Variants in ACTN1 observed in about 807,000 individuals in gnomAD.
The protein encoded by ACTN1 is actinin alpha 1, also known as alpha-actinin-1.
A neutral mutation model predicts 119.6 loss-of-function variants in ACTN1; 30 were observed. The ratio of observed to expected loss-of-function variants is 0.25; its 90% confidence interval spans 0.19 to 0.34. ACTN1 has a LOEUF of 0.34. Among genes scored for constraint, ACTN1 ranks in the 10% least tolerant of loss-of-function variants. The probability of loss-of-function intolerance (pLI) is 1.00; values close to 1 mark genes in which losing one functional copy is unlikely to be tolerated. For synonymous variants in ACTN1, 429 were observed against 472.6 expected, an observed-to-expected ratio of 0.91 and a Z score of 1.20; for missense variants, 764 against 1,223.4, an observed-to-expected ratio of 0.62 and a Z score of 5.60.
intron 1 of ACTN1, among the ~76,000 whole-genome samples, chr14:68,953,728 A>G (rs2036250489): frequency 6.6e-6 from 1 of 151,888 alleles, no homozygotes; most frequent in Non-Finnish European, 1.5e-5. Context: ...AATACAAAAA[A>G]AAAAAAAAAT....
At chr14:68,915,017 T>G (rs2034207869) in intron 3 of ACTN1, among the ~76,000 whole-genome samples, 1 of 152,128 alleles carries the variant, frequency 6.6e-6, no homozygotes, top group Admixed American at 6.5e-5. Context: ...TGAAAGGAAA[T>G]GCAGAGTAAG....
intron 6 of ACTN1, among the ~76,000 whole-genome samples, chr14:68,905,296 A>G (rs950233989): frequency 2.0e-5 from 3 of 152,232 alleles, no homozygotes; most frequent in Non-Finnish European, 2.9e-5. Context: ...AAGAACACTT[A>G]GCGGGGCTTG....
chr14:68,902,188 C>T (rs535873923), intron 8 of ACTN1, among the ~76,000 whole-genome samples: 5 of 152,318 alleles, frequency 3.3e-5, no homozygotes, highest in African/African-American at 1.2e-4. Flanking sequence ...ACCACCCCGG[C>T]TGCCTCATGC....
intron 1 of ACTN1, chr14:68,978,422 G>A (rs1205347711): frequency 2.9e-6 from 1 of 350,420 alleles, no homozygotes; most frequent in African/African-American, 2.2e-5. Flanking sequence ...GGAGGCGGCC[G>A]CCGATCTCTC....
intron 1 of ACTN1, among the ~76,000 whole-genome samples, chr14:68,962,005 C>T (rs568309195): frequency 6.6e-6 from 1 of 152,340 alleles, no homozygotes; most frequent in East Asian, 1.9e-4. Flanking sequence ...ACCACAAGCC[C>T]TGGCCCAGTA....
At chr14:68,947,439 TTG>T (rs1368806195) in intron 1 of ACTN1, 1 of 152,170 alleles carries the variant, frequency 6.6e-6, no homozygotes, top group Non-Finnish European at 1.5e-5. Context: ...GCAAGACAGA[TTG>T]TCTTTTTACA....
chr14:68,964,912 C>T (rs1006095559), intron 1 of ACTN1, among the ~76,000 whole-genome samples: 2 of 152,140 alleles, frequency 1.3e-5, no homozygotes, highest in Non-Finnish European at 2.9e-5. Flanking sequence ...TGTAAGGGCC[C>T]GCATGTGGAT....
intron 8 of ACTN1, among the ~76,000 whole-genome samples, chr14:68,899,938 G>T (rs1277027874): frequency 6.6e-6 from 1 of 152,200 alleles, no homozygotes; most frequent in Non-Finnish European, 1.5e-5. Flanking sequence ...GCTGCGAGGG[G>T]CCAGGGGAGG....
chr14:68,891,996 C>T, intron 10 of ACTN1, 57 bp downstream of exon 10: 7 of 1,588,360 alleles, frequency 4.4e-6, no homozygotes, highest in Non-Finnish European at 6.0e-6. Flanking sequence ...CAACTAGGAG[C>T]AGCTCAGAGG....
Position 68,874,630 on chromosome 14 carries a change from A to C in ACTN1, c.*229T>G. 2.6e-6 allele frequency: 1 copy of C among 388,082 alleles called. No homozygotes were observed. The highest frequency in any genetic ancestry group is 4.5e-6 in the Non-Finnish European group (1 of 221,870). 24.0% of individuals were successfully genotyped at this position (388,082 alleles called of 1,614,324 possible). ...CTGGTGGAGAAAAAATACTTTTTCT[A>C]TAATAAAATATGTAGTTTTTTGGTT... On this transcript the variant is annotated 3_prime_UTR_variant, in exon 22 of 22. Coordinates refer to ENST00000394419, the MANE Select transcript of ACTN1 (RefSeq NM_001130004.2).
In ACTN1 at chr14:68,909,437, G is replaced by C. The variant is rs769605676; in HGVS notation, c.516-41C>G. Reference sequence around the variant, plus strand: ...GAAGAAGGAGCAGGCTGGTAAATGAGGCTGAACAAACGGGCAACCAGGGCA... The same window carrying C: ...GAAGAAGGAGCAGGCTGGTAAATGACGCTGAACAAACGGGCAACCAGGGCA... On this transcript the variant is annotated intron_variant, in intron 5 of 21. Coordinates refer to ENST00000394419, the MANE Select transcript of ACTN1 (RefSeq NM_001130004.2). This position sits in a 1 kb window ranked among gnomAD's most constrained non-coding sequence, Gnocchi z 4.1. 1.2e-6 allele frequency: 2 copies of C among 1,607,796 alleles called. No homozygotes were observed. Among genetic ancestry groups the C allele is most frequent in the Non-Finnish European group, 1.7e-6 (2 of 1,175,154 alleles).
At chr14:68,917,883 T>C (rs2034398371) in intron 3 of ACTN1, among the ~76,000 whole-genome samples, 1 of 152,000 alleles carries the variant, frequency 6.6e-6, no homozygotes, top group Non-Finnish European at 1.5e-5. Context: ...CTGGCCAACA[T>C]AGTGAAACCC....
chr14:68,896,403 A>C (rs2032883497), intron 8 of ACTN1, among the ~76,000 whole-genome samples: 1 of 152,124 alleles, frequency 6.6e-6, no homozygotes, highest in African/African-American at 2.4e-5. Flanking sequence ...TCAGCTGGGA[A>C]GGCCAGGCTT....
rs967787608 is a variant in ACTN1, at chr14:68,890,281, G to A, written c.1092C>T (p.Ile364=). ...GCTCCAGGCAGCCCCAGGCATTGTT[G>A]ATGTCCTGTGGGGATGGGAGGTACA... ...MPSEGRMVSD[I]NNAWGCLEQV... Residue 364 remains isoleucine (I), a synonymous_variant, in exon 11 of 22, where the codon ATC becomes ATT. Coordinates refer to ENST00000394419, the MANE Select transcript of ACTN1 (RefSeq NM_001130004.2). The A allele has an allele frequency of 5.0e-6, 8 of 1,614,062 alleles. No individual in the cohort carries two copies. The highest frequency in any genetic ancestry group is 2.7e-5 in the African/African-American group (2 of 74,928).
At chr14:68,923,771 C>T (rs958781618) in intron 2 of ACTN1, among the ~76,000 whole-genome samples, 1 of 152,052 alleles carries the variant, frequency 6.6e-6, no homozygotes, top group East Asian at 1.9e-4. Flanking sequence ...AAAAAAAGAA[C>T]TGAAAGAGGG....
chr14:68,941,415 C>T (rs1465047108), intron 1 of ACTN1, among the ~76,000 whole-genome samples: 1 of 152,124 alleles, frequency 6.6e-6, no homozygotes. Flanking sequence ...CTGATGCTGC[C>T]GGTCCAGAGA....
In ACTN1 at chr14:68,874,864, G is replaced by A; in HGVS notation, c.2740C>T (p.Leu914Phe). 1 of 1,581,400 alleles carries A rather than the reference G, an allele frequency of 6.3e-7. No homozygotes were observed. Among genetic ancestry groups the A allele is most frequent in the Non-Finnish European group, 8.6e-7 (1 of 1,156,586 alleles). Reference protein sequence around the residue: ...FSTALYGESDL With the variant: ...FSTALYGESDF ...GGGCGGCCGGGCGGGGTGGATTAGA[G>A]GTCACTCTCGCCGTACAGCGCCGTG... The change falls in exon 22 of 22, where the codon CTC (leucine) becomes TTC (phenylalanine). Residue 914 changes from leucine (L) to phenylalanine (F), a missense_variant. Physicochemically the swap from Leu to Phe is conservative, Grantham distance 22. This residue lies in a region of ACTN1 where 102 missense variants were observed against 78.2 expected (regional missense o/e 1.30). Transcript: ENST00000394419.
At chr14:68,975,802 T>C (rs1302018915) in intron 1 of ACTN1, among the ~76,000 whole-genome samples, 1 of 152,208 alleles carries the variant, frequency 6.6e-6, no homozygotes, top group African/African-American at 2.4e-5. Flanking sequence ...ATGAACTCCG[T>C]ACCGAAGCAT....
At position 68,882,909 on chromosome 14, in the gene ACTN1, G is replaced by A. The variant is rs2031685100; in HGVS notation, c.1782C>T (p.Thr594=). Residue 594 remains threonine (T), a synonymous_variant, in exon 15 of 22, where the codon ACC becomes ACT. Transcript: ENST00000394419. The surrounding 1 kb of genome is among the most constrained non-coding windows in gnomAD (Gnocchi z 4.5). ...VNMAGTNPYT[T]ITPQEINGKW... ...TGCCATTGATCTCCTGAGGCGTGAT[G>A]GTTGTGTAGGGGTTGGTGCCCGCCA... The A allele has an allele frequency of 6.2e-7, 1 of 1,614,186 alleles. No individual in the cohort carries two copies. Among genetic ancestry groups the A allele is most frequent in the Admixed American group, 1.7e-5 (1 of 60,030 alleles).
Sources: allele counts gnomAD v4.1 joint callset (sites outside exome capture counted in the v4.1 genomes callset), GRCh38; gene constraint gnomAD v4.1.1; regional missense constraint gnomAD v4.1.1; non-coding constraint Gnocchi (gnomAD v3.1); transcripts MANE v1.5; gene names NCBI Gene and HGNC (gene_info 2026-07-23, HGNC 2026-07-21).